The following TUBG1 variants were observed in gnomAD, a reference collection of about 807,000 sequenced individuals.
TUBG1 encodes the protein tubulin gamma-1 chain.
Under a neutral mutation model 53.3 loss-of-function variants are expected in TUBG1, and 22 were observed. The observed-to-expected ratio is 0.41, with a 90% confidence interval of 0.29 to 0.59. TUBG1 has a LOEUF of 0.59. TUBG1 is among the 20% of genes least tolerant of loss of function. The pLI, the probability that TUBG1 is intolerant of heterozygous loss-of-function variation, is 0.26. For synonymous variants in TUBG1, 198 were observed against 236.7 expected (o/e 0.84, Z 1.50); for missense variants, 217 against 598.9 (o/e 0.36, Z 6.66).
chr17:42,609,874 C>G (rs1438761743), intron 1 of TUBG1, 88 bp downstream of exon 1: 1 of 1,482,488 alleles, frequency 6.7e-7, no homozygotes, highest in East Asian at 2.5e-5. Flanking sequence ...TCTGTCCTTG[C>G]CAGAATCGTA....
intron 1 of TUBG1, 118 bp from the exon 2 acceptor site, chr17:42,609,990 A>G (rs979053844): frequency 4.6e-5 from 62 of 1,361,900 alleles, no homozygotes; most frequent in Middle Eastern, 1.8e-4. Context: ...CAGACACGGG[A>G]GAGTCCTGCG....
At chr17:42,611,985 G>C in intron 3 of TUBG1, 90 bp from the exon 4 acceptor site, 1 of 1,155,078 alleles carries the variant, frequency 8.7e-7, no homozygotes. Context: ...GGACTTCTGG[G>C]TGTTATAAGG....
In TUBG1 at chr17:42,613,191, T is replaced by G. The variant is rs560975980; in HGVS notation, c.606+118T>G. On this transcript the variant is annotated intron_variant, in intron 6 of 10. Coordinates refer to ENST00000251413, the MANE Select transcript of TUBG1 (RefSeq NM_001070.5). ...TTAGCCAGGTGCAGTGGCTCATGAC[T>G]GTAATCCCATCACTTTGGGAGGCCA... 9 of 1,453,766 alleles carry G rather than the reference T, an allele frequency of 6.2e-6. No homozygotes were observed. The South Asian group carries it at 1.2e-4, about 20-fold the overall frequency. The allele number at this position is 1,453,766 out of a possible 1,614,324, so 90.1% of individuals were successfully genotyped here.
intron 3 of TUBG1, 114 bp downstream of exon 3, chr17:42,610,704 C>T: frequency 6.7e-7 from 1 of 1,487,318 alleles, no homozygotes; most frequent in Non-Finnish European, 9.2e-7. Context: ...GAGGGAGAGA[C>T]CTGGCTGCAG....
chr17:42,615,145 C>G lies in TUBG1; in HGVS notation c.*104C>G. The G allele has an allele frequency of 5.5e-6, 6 of 1,088,374 alleles. No homozygotes were observed. The highest frequency in any genetic ancestry group is 8.1e-6 in the Non-Finnish European group (6 of 740,342). 67.4% of individuals were successfully genotyped at this position (1,088,374 alleles called of 1,614,324 possible). On this transcript the variant is annotated 3_prime_UTR_variant, in exon 11 of 11. Coordinates refer to ENST00000251413, the MANE Select transcript of TUBG1 (RefSeq NM_001070.5). Reference sequence around the variant, plus strand: ...GATCAGGGACCTCACGCATCTCTTTCTCATATACATGGACTCTCTGTTGGC... The same window carrying G: ...GATCAGGGACCTCACGCATCTCTTTGTCATATACATGGACTCTCTGTTGGC...
chr17:42,612,137 T>C lies in TUBG1; in HGVS notation c.393T>C (p.Ser131=). The C allele has an allele frequency of 6.2e-7, 1 of 1,614,024 alleles. No individual in the cohort carries two copies. Among genetic ancestry groups the C allele is most frequent in the Non-Finnish European group, 8.5e-7 (1 of 1,179,998 alleles). ...IIDREADGSD[S]LEGFVLCHSI... is the part of the protein sequence containing the mutation. ...ACCGGGAGGCAGATGGTAGTGACAG[T>C]CTAGAGGTAAGTGTCCCAGGAATGC... is the stretch of plus-strand genomic sequence containing the variant. The change falls in exon 4 of 11, where the codon AGT becomes AGC. Residue 131 remains serine, a synonymous_variant. Coordinates refer to ENST00000251413, the MANE Select transcript of TUBG1 (RefSeq NM_001070.5).
Position 42,613,032 on chromosome 17 carries a change from C to T in TUBG1, c.565C>T (p.Leu189Phe). The T allele has an allele frequency of 6.2e-7, 1 of 1,614,200 alleles. No individual in the cohort carries two copies. The highest frequency in any genetic ancestry group is 8.5e-7 in the Non-Finnish European group (1 of 1,180,032). ...TGTGGTGGTCCAGCCTTACAATTCA[C>T]TCCTCACACTCAAGAGGCTGACGCA... Reference protein sequence around the residue: ...SDVVVQPYNSLLTLKRLTQNA... With the variant: ...SDVVVQPYNSFLTLKRLTQNA... The change falls in exon 6 of 11, where the codon CTC becomes TTC. Residue 189 changes from leucine to phenylalanine, a missense_variant. Leu to Phe is a conservative substitution (Grantham distance 22). Around this residue, in one of 4 missense-constraint regions of TUBG1, gnomAD observed 135 missense variants for 371.2 expected, o/e 0.36. Coordinates refer to ENST00000251413, the MANE Select transcript of TUBG1 (RefSeq NM_001070.5).
rs1254509179 is a variant in TUBG1 at position 42,615,161 on chromosome 17, C to T, written c.*120C>T. The T allele has an allele frequency of 1.6e-5, 14 of 876,780 alleles. No individual in the cohort carries two copies. The highest frequency in any genetic ancestry group is 2.3e-5 in the Non-Finnish European group (13 of 567,580). 54.3% of individuals were successfully genotyped at this position (876,780 alleles called of 1,614,324 possible). On this transcript the variant is annotated 3_prime_UTR_variant, in exon 11 of 11. Coordinates refer to ENST00000251413, the MANE Select transcript of TUBG1 (RefSeq NM_001070.5). The stretch of plus-strand genomic sequence containing the variant: ...CATCTCTTTCTCATATACATGGACT[C>T]TCTGTTGGCCTGCAAACACATTTAC...
intron 7 of TUBG1, 44 bp from the exon 8 acceptor site, chr17:42,613,805 T>C: frequency 6.2e-7 from 1 of 1,613,844 alleles, no homozygotes; most frequent in Non-Finnish European, 8.5e-7. Context: ...GGAAGGGAGG[T>C]CCCACCCAGG....
chr17:42,613,674 C>T lies in TUBG1; in HGVS notation c.634C>T (p.Arg212Trp), dbSNP rs765548843. ...VVVLDNTALN[R>W]IATDRLHIQN... ...GGTGCTGGACAACACAGCCCTGAAC[C>T]GGATTGCCACAGACCGCCTGCACAT... is the stretch of plus-strand genomic sequence containing the variant. Residue 212 changes from arginine to tryptophan, a missense_variant, in exon 7 of 11, where the codon CGG (arginine) becomes TGG (tryptophan). Arg to Trp is a moderately radical substitution (Grantham distance 101). Coordinates refer to ENST00000251413, the MANE Select transcript of TUBG1 (RefSeq NM_001070.5). 5 of 1,614,106 alleles carry T rather than the reference C, an allele frequency of 3.1e-6. No individual in the cohort carries two copies. In the South Asian group the frequency reaches 3.3e-5, roughly 11 times the overall value.
rs2052036981 is a variant in TUBG1, at chr17:42,611,925, C to G, written c.331-150C>G. ...AGAGTGCTTTCTTGTAACCACTGCA[C>G]CGTACTGCCTCTCAATGTAGATAAA... On this transcript the variant is annotated intron_variant, in intron 3 of 10. Coordinates refer to ENST00000251413, the MANE Select transcript of TUBG1 (RefSeq NM_001070.5). 6 of 656,850 alleles carry G rather than the reference C, an allele frequency of 9.1e-6. No homozygotes were observed. In the South Asian group the frequency reaches 1.1e-4, roughly 12 times the overall value. The allele number at this position is 656,850 out of a possible 1,614,324, so 40.7% of individuals were successfully genotyped here.
At chr17:42,611,771 G>A (rs1187577170) in intron 3 of TUBG1, among the ~76,000 whole-genome samples, 2 of 152,134 alleles carry the variant, frequency 1.3e-5, no homozygotes, top group Non-Finnish European at 2.9e-5. Flanking sequence ...CAGGAGAATC[G>A]CTTGAACCCA....
chr17:42,612,850 C>T (rs2052047139), intron 5 of TUBG1, 97 bp from the exon 6 acceptor site: 1 of 1,529,970 alleles, frequency 6.5e-7, no homozygotes, highest in African/African-American at 1.4e-5. Flanking sequence ...CCCAGTTTCG[C>T]CATCAAGATT....
chr17:42,612,198 C>T, intron 4 of TUBG1, 55 bp downstream of exon 4: 1 of 1,574,846 alleles, frequency 6.3e-7, no homozygotes, highest in Non-Finnish European at 8.7e-7. Context: ...TTGGCAGCAC[C>T]CTCTAGAAGC....
chr17:42,614,138 T>C lies in TUBG1; in HGVS notation c.844-122T>C, dbSNP rs936988931. The C allele has an allele frequency of 2.0e-5, 31 of 1,585,602 alleles. No homozygotes were observed. Among genetic ancestry groups the C allele is most frequent in the South Asian group, 1.5e-4 (13 of 86,660 alleles). On this transcript the variant is annotated intron_variant, in intron 8 of 10. Transcript: ENST00000251413. This position sits in a 1 kb window ranked among gnomAD's most constrained non-coding sequence, Gnocchi z 5.1. ...GCGGCGCTCAGGGACTGGCACAGAGTGGGCGACTTTCTTGCTGACTTGCTC... is the reference window on the plus strand; with the variant it reads ...GCGGCGCTCAGGGACTGGCACAGAGCGGGCGACTTTCTTGCTGACTTGCTC...
At chr17:42,610,023 G>A in intron 1 of TUBG1, 85 bp from the exon 2 acceptor site, 2 of 1,496,612 alleles carry the variant, frequency 1.3e-6, no homozygotes, top group Non-Finnish European at 1.8e-6. Flanking sequence ...ATCCCTGGAC[G>A]CAGGCGCCCA....
intron 3 of TUBG1, chr17:42,611,061 G>A (rs1362337240): frequency 6.6e-6 from 1 of 152,572 alleles, no homozygotes; most frequent in Non-Finnish European, 1.5e-5. Context: ...AACCTCTGCT[G>A]CCCGGGTTCA....
intron 5 of TUBG1, 142 bp downstream of exon 5, chr17:42,612,648 A>G: frequency 1.2e-6 from 1 of 839,250 alleles, no homozygotes; most frequent in Non-Finnish European, 1.9e-6. Context: ...ATGAAGTTAC[A>G]ATGACTGAGA....
At position 42,610,647 on chromosome 17, in the gene TUBG1, G is replaced by C. The variant is rs2052024551; in HGVS notation, c.330+57G>C. 3.1e-6 allele frequency: 5 copies of C among 1,611,084 alleles called. No individual in the cohort carries two copies. The East Asian group carries it at 1.1e-4, about 36-fold the overall frequency. On this transcript the variant is annotated intron_variant, in intron 3 of 10. Coordinates refer to ENST00000251413, the MANE Select transcript of TUBG1 (RefSeq NM_001070.5). ...CTCGCTGGGTAGGGACAGGCTCTAT[G>C]ACGTCCCGAAGAGAGGGAAAACCGG...
Sources: allele counts gnomAD v4.1 joint callset (sites outside exome capture counted in the v4.1 genomes callset), GRCh38; gene constraint gnomAD v4.1.1; regional missense constraint gnomAD v4.1.1; non-coding constraint Gnocchi (gnomAD v3.1); transcripts MANE v1.5; gene names NCBI Gene and HGNC (gene_info 2026-07-23, HGNC 2026-07-21).